Variants in PCDH11X observed in about 807,000 individuals in gnomAD.
PCDH11X encodes protocadherin-11 X-linked.
PCDH11X carries 18 observed loss-of-function variants against 53.3 expected under a neutral mutation model. The observed-to-expected ratio is 0.34, with a 90% confidence interval of 0.23 to 0.50. The LOEUF is 0.50. Among genes scored for constraint, PCDH11X ranks in the 20% least tolerant of loss-of-function variants. The pLI, the probability that PCDH11X is intolerant of heterozygous loss-of-function variation, is 0.98. For synonymous variants in PCDH11X, 279 were observed against 393.3 expected (o/e 0.71, Z 3.44); for missense variants, 570 against 1,032.4 (o/e 0.55, Z 6.14).
At chrX:92,359,350 C>G (rs2148537527) in intron 8 of PCDH11X, among the ~76,000 whole-genome samples, 1 of 109,123 alleles carries the variant, frequency 9.2e-6, no homozygotes, top group Admixed American at 9.9e-5. Flanking sequence ...AAGGTACTAC[C>G]TTAGCTTAAA....
intron 6 of PCDH11X, among the ~76,000 whole-genome samples, chrX:92,161,188 G>A (rs2065636079): frequency 9.0e-6 from 1 of 111,615 alleles, no homozygotes; most frequent in Admixed American, 9.6e-5. Context: ...GCTCCTTTTA[G>A]CAGTTCTTGT....
At chrX:92,079,480 C>G (rs146472764) in intron 6 of PCDH11X, among the ~76,000 whole-genome samples, 1,909 of 110,630 alleles carry the variant, frequency 0.017, 25 homozygotes, top group Non-Finnish European at 0.022. Context: ...GACTGAGACC[C>G]CCTTGAATGG....
At chrX:92,084,618 C>T (rs1389788817) in intron 6 of PCDH11X, among the ~76,000 whole-genome samples, 2 of 109,756 alleles carry the variant, frequency 1.8e-5, no homozygotes, top group Non-Finnish European at 3.8e-5. Context: ...ATAATTTACA[C>T]ATAATATTGA....
chrX:91,983,371 G>T, intron 6 of PCDH11X: 5 of 1,107,669 alleles, frequency 4.5e-6, no homozygotes, highest in Non-Finnish European at 5.0e-6. Context: ...TATTGGCTGA[G>T]CCTGAGCTTG....
intron 6 of PCDH11X, among the ~76,000 whole-genome samples, chrX:92,094,133 ATGTGTGTGTGTGTGTGTGTGTGTG>A (rs58997781): frequency 8.5e-5 from 8 of 94,239 alleles, no homozygotes; most frequent in African/African-American, 3.1e-4. Flanking sequence ...AAAAAGTAAT[ATGTGTGTGTGTGTGTGTGTGTGTG>A]TGTGTGTGTG....
Position 91,878,911 on chromosome X carries a change from A to G in PCDH11X, c.2671A>G (p.Thr891Ala), listed in dbSNP as rs1409099480. ...GCTTAATTTTGTCACTATTGAAGAA[A>G]CTAAGGCAGATGATGTTGACAGTGA... ...LLLNFVTIEE[T>A]KADDVDSDGN... is the part of the protein sequence containing the mutation. The change falls in exon 6 of 11, where the codon ACT becomes GCT. Residue 891 changes from threonine (T) to alanine (A), a missense_variant. Physicochemically the swap from Thr to Ala is moderately conservative, Grantham distance 58 (BLOSUM62 0). Transcript: ENST00000682573. 8.3e-7 allele frequency: 1 copy of G among 1,211,795 alleles called. No homozygotes were observed. Among genetic ancestry groups the G allele is most frequent in the Admixed American group, 2.2e-5 (1 of 46,016 alleles).
intron 6 of PCDH11X, among the ~76,000 whole-genome samples, chrX:92,079,890 C>T (rs1194186052): frequency 1.8e-5 from 2 of 111,796 alleles, no homozygotes; most frequent in East Asian, 5.6e-4. Flanking sequence ...CAGAATAATG[C>T]CCCTTCCCCA....
chrX:92,030,736 A>G (rs1354710637), intron 6 of PCDH11X, among the ~76,000 whole-genome samples: 1 of 108,321 alleles, frequency 9.2e-6, no homozygotes, highest in African/African-American at 3.4e-5. Flanking sequence ...AAGTGAAAAC[A>G]TGAAAAGTTT....
At chrX:92,220,899 A>G (rs373636292) in intron 7 of PCDH11X, among the ~76,000 whole-genome samples, 1 of 106,985 alleles carries the variant, frequency 9.3e-6, no homozygotes, top group South Asian at 4.3e-4. Flanking sequence ...GTCCTTTGTA[A>G]GGACATGGAT....
At chrX:92,472,586 C>T (rs1300477887) in intron 10 of PCDH11X, among the ~76,000 whole-genome samples, 6 of 108,546 alleles carry the variant, frequency 5.5e-5, no homozygotes, top group Non-Finnish European at 9.6e-5. Flanking sequence ...TTTAGGATTA[C>T]CTTGGCTATT....
intron 8 of PCDH11X, among the ~76,000 whole-genome samples, chrX:92,369,740 G>A (rs1394710978): frequency 3.6e-5 from 4 of 111,394 alleles, no homozygotes; most frequent in African/African-American, 1.3e-4. Flanking sequence ...GCTTCCCTTG[G>A]CTAGGGGAGG....
chrX:92,101,173 T>A (rs2064241867), intron 6 of PCDH11X, among the ~76,000 whole-genome samples: 1 of 111,449 alleles, frequency 9.0e-6, no homozygotes, highest in Non-Finnish European at 1.9e-5. Flanking sequence ...AAACTGGCAG[T>A]GTAAACAAGA....
chrX:92,595,878 GA>G (rs1925535823), intron 10 of PCDH11X, among the ~76,000 whole-genome samples: 1 of 86,234 alleles, frequency 1.2e-5, no homozygotes, highest in Admixed American at 1.4e-4. Context: ...CTAACACCTG[GA>G]TAAATTGTAC....
intron 6 of PCDH11X, among the ~76,000 whole-genome samples, chrX:91,882,697 C>A (rs1425980897): frequency 9.0e-6 from 1 of 110,571 alleles, no homozygotes; most frequent in East Asian, 2.8e-4. Flanking sequence ...ATGAAACCAT[C>A]CTGTAGATAT....
intron 6 of PCDH11X, among the ~76,000 whole-genome samples, chrX:92,095,096 T>C (rs1439679009): frequency 1.8e-5 from 2 of 110,525 alleles, no homozygotes; most frequent in East Asian, 2.9e-4. Context: ...CAAATCCGAG[T>C]CCTCCTATCC....
intron 10 of PCDH11X, among the ~76,000 whole-genome samples, chrX:92,562,600 C>T (rs1236996156): frequency 1.8e-4 from 19 of 107,666 alleles, no homozygotes; most frequent in African/African-American, 6.4e-4. Flanking sequence ...TAAGTTTCAG[C>T]TTTAAGTCAT....
At chrX:92,515,774 A>T (rs1002011717) in intron 10 of PCDH11X, among the ~76,000 whole-genome samples, 3 of 110,493 alleles carry the variant, frequency 2.7e-5, no homozygotes, top group African/African-American at 6.6e-5. Flanking sequence ...AGCAATGACA[A>T]TTTTTTTCTG....
chrX:91,890,761 C>G lies in PCDH11X; in HGVS notation c.3033+11488C>G, dbSNP rs557629301. Among the ~76,000 whole-genome samples the G allele has an allele frequency of 1.8e-4, 20 of 110,104 alleles. No individual in the cohort carries two copies. In the South Asian group the frequency reaches 4.7e-3, roughly 26 times the overall value. On this transcript the variant is annotated intron_variant, in intron 6 of 10. Coordinates refer to ENST00000682573, the MANE Select transcript of PCDH11X (RefSeq NM_032968.5). ...AGTCTTCTGTACAATGTCAGATTTG[C>G]TGTTTCATGTGTCTTCAACTTTATG...
At chrX:92,223,918 C>T (rs915839537) in intron 7 of PCDH11X, among the ~76,000 whole-genome samples, 5 of 111,101 alleles carry the variant, frequency 4.5e-5, no homozygotes, top group South Asian at 3.8e-4. Flanking sequence ...ATAAATGCTA[C>T]GGTTACACAA....
Sources: gnomAD v4.1 joint callset for allele counts (sites outside exome capture counted in the v4.1 genomes callset) on GRCh38, gnomAD v4.1.1 for gene constraint, MANE v1.5 for transcripts, NCBI Gene and HGNC (gene_info 2026-07-23, HGNC 2026-07-21) for gene names.